STARD13: variants seen among roughly 807,000 people sequenced by gnomAD.
The protein encoded by STARD13 is StAR related lipid transfer domain containing 13, also known as stAR-related lipid transfer protein 13.
STARD13 carries 62 observed loss-of-function variants against 106.4 expected under a neutral mutation model. The observed-to-expected ratio is 0.58, with a 90% CI of 0.48 to 0.72. STARD13 has a LOEUF of 0.72. Among genes scored for constraint, STARD13 ranks in the 30% least tolerant of loss-of-function variants. The pLI is 0.00. For missense variants in STARD13, 1,387 were observed against 1,424.0 expected, an observed-to-expected ratio of 0.97 and a Z score of 0.42; for synonymous variants, 565 against 553.0, an observed-to-expected ratio of 1.02 and a Z score of -0.31.
chr13:33,656,589 G>T, the STARD13 span, among the ~76,000 whole-genome samples: 1 of 152,308 alleles, frequency 6.6e-6, no homozygotes, highest in East Asian at 1.9e-4. Flanking sequence ...AGGGACATGG[G>T]CCAGAGTCAC....
At chr13:33,363,897 G>A in the STARD13 span, among the ~76,000 whole-genome samples, 3 of 152,128 alleles carry the variant, frequency 2.0e-5, no homozygotes, top group Non-Finnish European at 4.4e-5. Context: ...AGCTAGATAT[G>A]CCTATGCGTT....
At chr13:33,384,607 A>G in the STARD13 span, among the ~76,000 whole-genome samples, 1 of 152,230 alleles carries the variant, frequency 6.6e-6, no homozygotes, top group Non-Finnish European at 1.5e-5. Context: ...TAAAAATAGA[A>G]TATACTAATT....
the STARD13 span, among the ~76,000 whole-genome samples, chr13:33,443,338 C>T: frequency 1.3e-5 from 2 of 150,012 alleles, no homozygotes; most frequent in East Asian, 3.9e-4. Context: ...GATAGTGCCA[C>T]TGCACTCTAG....
At chr13:33,278,644 A>T (rs1187547534) in intron 1 of STARD13, 1 of 152,174 alleles carries the variant, frequency 6.6e-6, no homozygotes, top group Non-Finnish European at 1.5e-5. Context: ...TCTCCCAAAG[A>T]GCAAGTCCCA....
At chr13:33,282,147 C>T (rs868151555) in intron 1 of STARD13, among the ~76,000 whole-genome samples, 15 of 152,120 alleles carry the variant, frequency 9.9e-5, no homozygotes, top group Admixed American at 7.2e-4. Context: ...TTTCCATTCT[C>T]TCTCTCTACA....
At chr13:33,609,807 A>G in the STARD13 span, among the ~76,000 whole-genome samples, 1 of 152,070 alleles carries the variant, frequency 6.6e-6, no homozygotes, top group Non-Finnish European at 1.5e-5. Context: ...TGACCTCGTG[A>G]TCTGCCCGCC....
chr13:33,280,009 T>C (rs1187695678), intron 1 of STARD13: 1 of 152,076 alleles, frequency 6.6e-6, no homozygotes, highest in East Asian at 1.9e-4. Flanking sequence ...GAGCAATACA[T>C]GACTGATGCA....
the STARD13 span, among the ~76,000 whole-genome samples, chr13:33,610,641 C>T: frequency 1.3e-5 from 2 of 152,258 alleles, no homozygotes; most frequent in African/African-American, 2.4e-5. Context: ...CAGCCTGGGG[C>T]CACCAGGAGG....
chr13:33,174,525 C>A (rs1310680648), intron 1 of STARD13, among the ~76,000 whole-genome samples: 1 of 152,192 alleles, frequency 6.6e-6, no homozygotes, highest in Non-Finnish European at 1.5e-5. Context: ...ACCTTTCCTG[C>A]TCTTTTCCCT....
At chr13:33,423,539 T>C in the STARD13 span, among the ~76,000 whole-genome samples, 1 of 152,226 alleles carries the variant, frequency 6.6e-6, no homozygotes, top group Non-Finnish European at 1.5e-5. Flanking sequence ...AGTGTGGCGA[T>C]TCCTCAATGA....
At chr13:33,523,872 C>T in the STARD13 span, among the ~76,000 whole-genome samples, 11 of 152,144 alleles carry the variant, frequency 7.2e-5, no homozygotes, top group African/African-American at 1.9e-4. Flanking sequence ...CAGACTAACC[C>T]GACAGGGAGA....
chr13:33,287,036 C>G (rs1892093527), upstream of STARD13, among the ~76,000 whole-genome samples: 1 of 151,926 alleles, frequency 6.6e-6, no homozygotes, highest in South Asian at 2.1e-4. Flanking sequence ...AAATTCTGAG[C>G]CTGGGGCTGA....
At chr13:33,652,120 A>G in the STARD13 span, among the ~76,000 whole-genome samples, 1 of 152,198 alleles carries the variant, frequency 6.6e-6, no homozygotes, top group Non-Finnish European at 1.5e-5. Flanking sequence ...AATCCATCAA[A>G]TATTTGTTCT....
chr13:33,559,313 A>G, the STARD13 span, among the ~76,000 whole-genome samples: 1 of 151,684 alleles, frequency 6.6e-6, no homozygotes, highest in Non-Finnish European at 1.5e-5. Context: ...AGTTCTATTT[A>G]TATGTAATAC....
chr13:33,145,806 C>T (rs1880451891), intron 3 of STARD13, among the ~76,000 whole-genome samples: 1 of 152,194 alleles, frequency 6.6e-6, no homozygotes, highest in South Asian at 2.1e-4. Flanking sequence ...AAAAAAATTT[C>T]AGGCAAGGCA....
the STARD13 span, among the ~76,000 whole-genome samples, chr13:33,512,803 T>G: frequency 6.6e-6 from 1 of 152,066 alleles, no homozygotes; most frequent in Non-Finnish European, 1.5e-5. Flanking sequence ...CATCCCAGGT[T>G]CTTGAAAGCT....
At chr13:33,203,549 CATATATTCAACCAT>C in intron 1 of STARD13, among the ~76,000 whole-genome samples, 1 of 151,992 alleles carries the variant, frequency 6.6e-6, no homozygotes, top group East Asian at 1.9e-4. Flanking sequence ...TTAAAAATTA[CATATATTCAACCAT>C]ACTAAATCAA....
chr13:33,266,070 T>TGCA (rs1356162815), intron 1 of STARD13, among the ~76,000 whole-genome samples: 1 of 152,176 alleles, frequency 6.6e-6, no homozygotes, highest in Non-Finnish European at 1.5e-5. Flanking sequence ...TCACTGTAAC[T>TGCA]GCAGCAGCAG....
the STARD13 span, among the ~76,000 whole-genome samples, chr13:33,655,492 G>A: frequency 6.6e-6 from 1 of 152,104 alleles, no homozygotes; most frequent in South Asian, 2.1e-4. Context: ...CTTAGTTTTA[G>A]TCTCTCCCCT....
Sources: gnomAD v4.1 joint callset for allele counts (sites outside exome capture counted in the v4.1 genomes callset) on GRCh38, gnomAD v4.1.1 for gene constraint, MANE v1.5 for transcripts, NCBI Gene and HGNC (gene_info 2026-07-23, HGNC 2026-07-21) for gene names.